C2: variants seen among roughly 807,000 people sequenced by gnomAD.
C2 encodes C3/C5 convertase.
Under a neutral mutation model 85.2 loss-of-function variants are expected in C2, and 64 were observed. That is an observed-to-expected ratio of 0.75 (90% CI 0.61 to 0.92). C2 has a LOEUF of 0.92. Ranked by LOEUF, C2 falls within the 40% of genes least tolerant of loss-of-function variation. The pLI is 0.00. For synonymous variants in C2, 311 were observed against 370.8 expected (o/e 0.84, Z 1.85); for missense variants, 820 against 971.6 (o/e 0.84, Z 2.07).
In C2 at chr6:31,921,418, A is replaced by G. The variant is rs1768961079; in HGVS notation, c.-100+1392A>G. Among the ~76,000 whole-genome samples the G allele has an allele frequency of 1.3e-5, 2 of 151,972 alleles. No individual in the cohort carries two copies. Among genetic ancestry groups the G allele is most frequent in the Admixed American group, 1.3e-4 (2 of 15,260 alleles). ...GAGGGATTTGAGAAGGATGGAAAAG[A>G]AGGTGTTATGGGAGAGGGGGTGCCA... On this transcript the variant is annotated intron_variant, in intron 1 of 3. Transcript: ENST00000413154. The surrounding 1 kb of genome is among the most constrained non-coding windows in gnomAD (Gnocchi z 4.6).
rs754328096 is a variant in C2 at position 31,945,283 on chromosome 6, C to T, written c.2185C>T (p.His729Tyr). ...RSKVPPPRDFHINLFRMQPWL... is the reference protein window; with the variant it reads ...RSKVPPPRDFYINLFRMQPWL... ...CAAGGTCCCGCCGCCACGAGACTTT[C>T]ACATCAATCTCTTCCGCATGCAGCC... is the stretch of plus-strand genomic sequence containing the variant. Residue 729 changes from histidine to tyrosine, a missense_variant, in exon 18 of 18, where the codon CAC (histidine) becomes TAC (tyrosine). His to Tyr is a moderately conservative substitution (Grantham distance 83). Coordinates refer to ENST00000299367, the MANE Select transcript of C2 (RefSeq NM_000063.6). The surrounding 1 kb of genome is among the most constrained non-coding windows in gnomAD (Gnocchi z 5.3). 1 of 1,613,062 alleles carries T rather than the reference C, an allele frequency of 6.2e-7. No individual in the cohort carries two copies. Among genetic ancestry groups the T allele is most frequent in the Non-Finnish European group, 8.5e-7 (1 of 1,180,020 alleles).
upstream of C2, among the ~76,000 whole-genome samples, chr6:31,915,115 T>C (rs1261640769): frequency 6.6e-6 from 1 of 152,210 alleles, no homozygotes; most frequent in Non-Finnish European, 1.5e-5. Flanking sequence ...TCTTAACTGG[T>C]CTTCCAGCCC....
chr6:31,920,534 C>T lies in C2; in HGVS notation c.-100+508C>T, dbSNP rs1768888246. On this transcript the variant is annotated intron_variant, in intron 1 of 3. Coordinates refer to the C2 transcript ENST00000413154. The surrounding 1 kb of genome is among the most constrained non-coding windows in gnomAD (Gnocchi z 5.6). Reference sequence around the variant, plus strand: ...TCCCCCTGGCCCATCCTCAGCTGACCCCTGAGCACCTGAGTTGTGTTTACC... The same window carrying T: ...TCCCCCTGGCCCATCCTCAGCTGACTCCTGAGCACCTGAGTTGTGTTTACC... Among the ~76,000 whole-genome samples, 2 of 152,092 alleles carry T rather than the reference C, an allele frequency of 1.3e-5. No individual in the cohort carries two copies. The highest frequency in any genetic ancestry group is 4.1e-4 in the South Asian group (2 of 4,820).
intron 1 of C2, among the ~76,000 whole-genome samples, chr6:31,914,363 T>A (rs1434908813): frequency 7.1e-6 from 1 of 140,394 alleles, no homozygotes; most frequent in Non-Finnish European, 1.5e-5. Context: ...GAGGCCGAGG[T>A]GGGCGGATCA....
chr6:31,931,789 A>G (rs1209932845), intron 3 of C2, among the ~76,000 whole-genome samples: 12 of 152,120 alleles, frequency 7.9e-5, no homozygotes, highest in African/African-American at 2.9e-4. Context: ...TACACCTCCC[A>G]GACGGGGTGG....
At chr6:31,930,896 C>T (rs9332714) in intron 3 of C2, among the ~76,000 whole-genome samples, 137 of 152,222 alleles carry the variant, frequency 9.0e-4, no homozygotes, top group African/African-American at 3.2e-3. Flanking sequence ...AACTATTCAG[C>T]TCAATGATTT....
At position 31,935,862 on chromosome 6, in the gene C2, T is replaced by C. The variant is rs1770362724; in HGVS notation, c.850-61T>C. The C allele has an allele frequency of 3.1e-6, 5 of 1,596,708 alleles. No individual in the cohort carries two copies. Among genetic ancestry groups the C allele is most frequent in the Non-Finnish European group, 4.3e-6 (5 of 1,168,768 alleles). The stretch of plus-strand genomic sequence containing the variant: ...CTCCTCCAGGGCCCTTTGTTTGCTC[T>C]CTTACCATCTCCCCTTTGGCTTCAG... On this transcript the variant is annotated intron_variant, in intron 6 of 17. Transcript: ENST00000299367. This position sits in a 1 kb window ranked among gnomAD's most constrained non-coding sequence, Gnocchi z 4.3.
In C2 at chr6:31,945,195, G is replaced by A. The variant is rs754270238; in HGVS notation, c.2097G>A (p.Trp699Ter). 1 of 1,612,852 alleles carries A rather than the reference G, an allele frequency of 6.2e-7. No homozygotes were observed. Among genetic ancestry groups the A allele is most frequent in the Middle Eastern group, 1.7e-4 (1 of 6,060 alleles). Residue 699 changes from tryptophan (W) to a stop codon, truncating the protein, a stop_gained, in exon 18 of 18, where the codon TGG becomes TGA. Transcript: ENST00000299367. LOFTEE classifies it low-confidence loss of function (END_TRUNC). This position sits in a 1 kb window ranked among gnomAD's most constrained non-coding sequence, Gnocchi z 5.3. ...TTCTCCAGGTGGGTCTGGTGAGCTG[G>A]GGTCTTTACAACCCCTGCCTTGGCT... ...FRFFQVGLVS[W>*]GLYNPCLGSA... is the part of the protein sequence containing the mutation.
upstream of C2, chr6:31,897,993 C>A: frequency 1.2e-6 from 1 of 840,006 alleles, no homozygotes; most frequent in Non-Finnish European, 1.5e-6. Context: ...GGCTGTATTT[C>A]CTCTGGCCTG....
chr6:31,909,949 T>C (rs1032952281), intron 1 of C2, among the ~76,000 whole-genome samples: 1 of 151,734 alleles, frequency 6.6e-6, no homozygotes, highest in African/African-American at 2.4e-5. Flanking sequence ...GGTGCGATCT[T>C]GGCTCACTGC....
intron 3 of C2, among the ~76,000 whole-genome samples, chr6:31,930,656 C>CA (rs1387316540): frequency 2.0e-5 from 3 of 152,170 alleles, no homozygotes; most frequent in Non-Finnish European, 2.9e-5. Flanking sequence ...CTTAGCACAT[C>CA]ATACAGAAGA....
Position 31,939,227 on chromosome 6 carries a change from C to T in C2, c.1130-4C>T. On this transcript the variant is annotated splice_region_variant and splice_polypyrimidine_tract_variant and intron_variant, in intron 8 of 17. Transcript: ENST00000299367. ...AGAAGAATTCTTTATTCTCTTTGTT[C>T]TAGGAAAGTCCAATATGGGTGGCTC... 1.9e-6 allele frequency: 3 copies of T among 1,599,540 alleles called. No individual in the cohort carries two copies. The highest frequency in any genetic ancestry group is 2.6e-6 in the Non-Finnish European group (3 of 1,167,920).
chr6:31,923,238 C>T (rs1769078952), upstream of C2, among the ~76,000 whole-genome samples: 3 of 152,202 alleles, frequency 2.0e-5, no homozygotes, highest in African/African-American at 2.4e-5. Context: ...TCGACTGGGC[C>T]TCCTGGAGAG....
rs1554279587 is a variant in C2 at position 31,932,614 on chromosome 6, C to G, written c.443-996C>G. 38 of 163,262 alleles carry G rather than the reference C, an allele frequency of 2.3e-4. 1 individual carries two copies. The highest frequency in any genetic ancestry group is 1.7e-3 in the Admixed American group (25 of 14,954). 10.1% of individuals were successfully genotyped at this position (163,262 alleles called of 1,614,324 possible). On this transcript the variant is annotated intron_variant, in intron 3 of 17. Coordinates refer to ENST00000299367, the MANE Select transcript of C2 (RefSeq NM_000063.6). ...AGATGGGATGGCGGCCGGGCAGAGA[C>G]GCTCCTCACTTTCCAGACTGGGCAG...
upstream of C2, among the ~76,000 whole-genome samples, chr6:31,918,882 C>CAA (rs9281625): frequency 0.045 from 3,345 of 73,648 alleles, 133 homozygotes; most frequent in East Asian, 0.062. Context: ...GACTCTGTCT[C>CAA]AAAAAAAAAA....
Position 31,935,714 on chromosome 6 carries a change from C to CTGCCTAAAGTGCTGGGCGCGGTGGCTCA in C2, c.850-198_850-197insCTGGGCGCGGTGGCTCATGCCTAAAGTG, listed in dbSNP as rs1770350052. 6.6e-6 allele frequency among the ~76,000 whole-genome samples: 1 copy of CTGCCTAAAGTGCTGGGCGCGGTGGCTCA among 152,082 alleles called. No individual in the cohort carries two copies. Among genetic ancestry groups the CTGCCTAAAGTGCTGGGCGCGGTGGCTCA allele is most frequent in the African/African-American group, 2.4e-5 (1 of 41,392 alleles). On this transcript the variant is annotated intron_variant, in intron 6 of 17. Coordinates refer to ENST00000299367, the MANE Select transcript of C2 (RefSeq NM_000063.6). The surrounding 1 kb of genome is among the most constrained non-coding windows in gnomAD (Gnocchi z 4.3). ...GAACTCCTGACCTCAGGTGATCCAC[C>CTGCCTAAAGTGCTGGGCGCGGTGGCTCA]TGCCTAAAGTGTTGGGATTCAGGCA...
intron 1 of C2, chr6:31,901,825 C>T: frequency 6.4e-6 from 1 of 155,058 alleles, no homozygotes; most frequent in Non-Finnish European, 1.4e-5. Context: ...CCTGAGTGCA[C>T]GCTCCTCTCA....
At chr6:31,905,963 A>C (rs1405013880) in intron 1 of C2, among the ~76,000 whole-genome samples, 2 of 152,056 alleles carry the variant, frequency 1.3e-5, no homozygotes, top group African/African-American at 4.8e-5. Flanking sequence ...AGACATTCAA[A>C]GTATTTTAGG....
chr6:31,906,363 A>G lies in C2; in HGVS notation c.73+5224A>G, dbSNP rs536778273. Among the ~76,000 whole-genome samples the G allele has an allele frequency of 1.8e-4, 27 of 151,692 alleles. 1 individual carries two copies. Among genetic ancestry groups the G allele is most frequent in the South Asian group, 1.5e-3 (7 of 4,794 alleles). ...TCCTCCTCCTTCTTCAGAGCTCCTTATCCCTAGCTCTTCGGAGCCCTCTCC... is the reference window on the plus strand; with the variant it reads ...TCCTCCTCCTTCTTCAGAGCTCCTTGTCCCTAGCTCTTCGGAGCCCTCTCC... On this transcript the variant is annotated intron_variant, in intron 1 of 3. Coordinates refer to the C2 transcript ENST00000452202.
Sources: gnomAD v4.1 joint callset for allele counts (sites outside exome capture counted in the v4.1 genomes callset) on GRCh38, gnomAD v4.1.1 for gene constraint, Gnocchi (gnomAD v3.1) non-coding constraint, MANE v1.5 for transcripts, NCBI Gene and HGNC (gene_info 2026-07-23, HGNC 2026-07-21) for gene names.